Variants in PCMTD2 observed in about 807,000 individuals in gnomAD.
The protein encoded by PCMTD2 is protein-L-isoaspartate O-methyltransferase domain-containing protein 2.
Under a neutral mutation model 33.4 loss-of-function variants are expected in PCMTD2, and 16 were observed. The observed-to-expected ratio is 0.48, with a 90% confidence interval of 0.32 to 0.73. The LOEUF (loss-of-function observed/expected upper bound fraction) is 0.73, where lower values mean the gene tolerates loss of function less well. Ranked by LOEUF, PCMTD2 falls within the 30% of genes least tolerant of loss-of-function variation. The pLI, the probability that PCMTD2 is intolerant of heterozygous loss-of-function variation, is 0.03. For synonymous variants in PCMTD2, 161 were observed against 160.8 expected, an observed-to-expected ratio of 1.00 and a Z score of -0.01; for missense variants, 374 against 449.9, an observed-to-expected ratio of 0.83 and a Z score of 1.53.
At chr20:64,263,073 A>G (rs1985500070) in intron 2 of PCMTD2, 2 of 152,242 alleles carry the variant, frequency 1.3e-5, no homozygotes, top group Non-Finnish European at 2.9e-5. Context: ...ATCTGTTACT[A>G]GAATTAACTG....
intron 5 of PCMTD2, among the ~76,000 whole-genome samples, chr20:64,272,466 C>CT (rs1440782370): frequency 3.9e-5 from 6 of 152,180 alleles, no homozygotes; most frequent in Non-Finnish European, 7.3e-5. Context: ...CATTTCCCTA[C>CT]TTTAATAAAA....
intron 2 of PCMTD2, among the ~76,000 whole-genome samples, chr20:64,263,324 G>C (rs536754366): frequency 6.6e-6 from 1 of 152,312 alleles, no homozygotes; most frequent in African/African-American, 2.4e-5. Context: ...AATACGTGGA[G>C]AGAAAAGAGC....
intron 4 of PCMTD2, among the ~76,000 whole-genome samples, chr20:64,267,427 A>G (rs981500794): frequency 2.6e-5 from 4 of 152,242 alleles, no homozygotes; most frequent in African/African-American, 9.6e-5. Context: ...ATCTGTTACT[A>G]CAGTGCCTAT....
In PCMTD2 at chr20:64,273,810, T is replaced by C. The variant is rs1395347754; in HGVS notation, c.*210T>C. On this transcript the variant is annotated 3_prime_UTR_variant, in exon 6 of 6. Transcript: ENST00000308824. ...TTTGTTTACATAGTTCCACAAGACC[T>C]TCATTGCATAGAAGATTGTTTTCCC... 3 of 429,422 alleles carry C rather than the reference T, an allele frequency of 7.0e-6. No homozygotes were observed. Among genetic ancestry groups the C allele is most frequent in the Non-Finnish European group, 1.2e-5 (3 of 244,290 alleles). 26.6% of individuals were successfully genotyped at this position (429,422 alleles called of 1,614,324 possible).
At chr20:64,264,621 A>G (rs1238604624) in intron 3 of PCMTD2, 90 bp downstream of exon 3, 4 of 699,598 alleles carry the variant, frequency 5.7e-6, no homozygotes, top group Non-Finnish European at 1.0e-5. Context: ...TGTGGTAGGA[A>G]ACATAATTAA....
intron 4 of PCMTD2, among the ~76,000 whole-genome samples, chr20:64,267,318 A>G (rs1483501315): frequency 6.6e-6 from 1 of 152,192 alleles, no homozygotes; most frequent in Non-Finnish European, 1.5e-5. Context: ...AGGCTCATTT[A>G]AACACTTCAG....
intron 2 of PCMTD2, chr20:64,262,565 G>A (rs140772350): frequency 6.6e-6 from 1 of 152,406 alleles, no homozygotes; most frequent in East Asian, 1.9e-4. Flanking sequence ...AGCACTTGGT[G>A]CAGAGCACTC....
intron 5 of PCMTD2, among the ~76,000 whole-genome samples, chr20:64,268,571 ACCT>A (rs1049713206): frequency 2.3e-4 from 35 of 152,108 alleles, no homozygotes; most frequent in Admixed American, 1.2e-3. Context: ...CGACAGCAAA[ACCT>A]CCTAATGTTT....
chr20:64,259,386 CT>C lies in PCMTD2; in HGVS notation c.-24-536del, dbSNP rs3076992. Among the ~76,000 whole-genome samples, 484 of 118,622 alleles carry C rather than the reference CT, an allele frequency of 4.1e-3. 2 individuals carry two copies. Among genetic ancestry groups the C allele is most frequent in the Middle Eastern group, 8.6e-3 (2 of 232 alleles). The allele number at this position is 118,622 out of a possible 152,430, so 77.8% of individuals were successfully genotyped here. On this transcript the variant is annotated intron_variant, in intron 1 of 5. Transcript: ENST00000308824. ...CCACCTAAAGTTTTTTTTCTTTTCT[CT>C]TTTTTTTTTTTTTTTTTTTGAGACA...
At chr20:64,255,997 G>T (rs1330585060) in intron 1 of PCMTD2, 127 bp downstream of exon 1, 17 of 152,054 alleles carry the variant, frequency 1.1e-4, no homozygotes, top group African/African-American at 4.1e-4. Context: ...CTCCTCTGGG[G>T]GCGTCGCTCC....
At chr20:64,270,007 C>T (rs1480458914) in intron 5 of PCMTD2, among the ~76,000 whole-genome samples, 8 of 125,136 alleles carry the variant, frequency 6.4e-5, no homozygotes, top group East Asian at 2.6e-4. Context: ...GGTGTGGGGT[C>T]GTAAGTTCAG....
intron 5 of PCMTD2, 51 bp from the exon 6 acceptor site, chr20:64,273,170 G>A (rs747790291): frequency 6.6e-7 from 1 of 1,518,424 alleles, no homozygotes; most frequent in Non-Finnish European, 9.0e-7. Flanking sequence ...TAGGCGTTGT[G>A]GTGGTGTCAC....
At chr20:64,272,540 C>T (rs971605497) in intron 5 of PCMTD2, among the ~76,000 whole-genome samples, 3 of 152,180 alleles carry the variant, frequency 2.0e-5, no homozygotes, top group East Asian at 3.8e-4. Flanking sequence ...AATATTAGGC[C>T]GGGCACAGTG....
In PCMTD2 at chr20:64,255,786, G is replaced by C. The variant is rs1348310999; in HGVS notation, c.-109G>C. On this transcript the variant is annotated 5_prime_UTR_variant, in exon 1 of 6. Transcript: ENST00000308824. ...GGCCGAGGTTGGAGCGGCGCTGCTC[G>C]GCCGCGGACACACGAGGGACGCGCC... The C allele has an allele frequency of 2.3e-5, 4 of 172,392 alleles. No homozygotes were observed. The highest frequency in any genetic ancestry group is 7.5e-5 in the African/African-American group (3 of 40,214). 10.7% of individuals were successfully genotyped at this position (172,392 alleles called of 1,614,324 possible).
At chr20:64,260,935 C>G (rs1297359346) in intron 2 of PCMTD2, among the ~76,000 whole-genome samples, 1 of 152,060 alleles carries the variant, frequency 6.6e-6, no homozygotes, top group Non-Finnish European at 1.5e-5. Context: ...CGCCAGCTCT[C>G]CACCTGCCTC....
rs1469225633 is a variant in PCMTD2 at position 64,275,534 on chromosome 20, A to G, written c.*1934A>G. 6.6e-6 allele frequency: 1 copy of G among 152,072 alleles called. No homozygotes were observed. The highest frequency in any genetic ancestry group is 2.4e-5 in the African/African-American group (1 of 41,384). The allele number at this position is 152,072 out of a possible 1,614,324, so 9.4% of individuals were successfully genotyped here. A position where few individuals can be genotyped will look rare whatever the true frequency, so the allele number is the denominator to read the frequency against. On this transcript the variant is annotated 3_prime_UTR_variant, in exon 6 of 6. Transcript: ENST00000308824. ...TGCTAGACTTTTCCTAGCATTTCGT[A>G]TTTCTGTGTTGTCAGTGTGTGATTT...
In PCMTD2 at chr20:64,272,800, A is replaced by G. The variant is rs142848269; in HGVS notation, c.707-421A>G. Among the ~76,000 whole-genome samples, 3 of 152,360 alleles carry G rather than the reference A, an allele frequency of 2.0e-5. No individual in the cohort carries two copies. The East Asian group carries it at 5.8e-4, about 29-fold the overall frequency. On this transcript the variant is annotated intron_variant, in intron 5 of 5. Coordinates refer to ENST00000308824, the MANE Select transcript of PCMTD2 (RefSeq NM_018257.3). Reference sequence around the variant, plus strand: ...ACACCCTTGCACCCCAGCCTGGGTGACAGAGTAAGACTCTGTCTCCAAAAA... The same window carrying G: ...ACACCCTTGCACCCCAGCCTGGGTGGCAGAGTAAGACTCTGTCTCCAAAAA...
chr20:64,262,777 ATACAGTAGC>A (rs1985483639), intron 2 of PCMTD2: 1 of 152,436 alleles, frequency 6.6e-6, no homozygotes, highest in African/African-American at 2.4e-5. Context: ...CCAGGGGAGA[ATACAGTAGC>A]TACTAAGAGA....
intron 5 of PCMTD2, chr20:64,272,331 A>G (rs1985945304): frequency 3.5e-6 from 1 of 283,348 alleles, no homozygotes; most frequent in African/African-American, 2.4e-5. Flanking sequence ...GCTGATTTTC[A>G]GTTTAATGTA....
Sources: gnomAD v4.1 joint callset for allele counts (sites outside exome capture counted in the v4.1 genomes callset) on GRCh38, gnomAD v4.1.1 for gene constraint, MANE v1.5 for transcripts, NCBI Gene and HGNC (gene_info 2026-07-23, HGNC 2026-07-21) for gene names.